The following GRID2 variants were observed in gnomAD, a reference collection of about 807,000 sequenced individuals.
GRID2 encodes glutamate ionotropic receptor delta type subunit 2.
A neutral mutation model predicts 114.8 loss-of-function variants in GRID2; 33 were observed. The ratio of observed to expected loss-of-function variants is 0.29; its 90% CI spans 0.22 to 0.38. The LOEUF (loss-of-function observed/expected upper bound fraction) is 0.38. Among genes scored for constraint, GRID2 ranks in the 10% least tolerant of loss-of-function variants. The probability of loss-of-function intolerance (pLI) is 1.00; values close to 1 mark genes in which losing one functional copy is unlikely to be tolerated. For synonymous variants in GRID2, 505 were observed against 449.9 expected, an observed-to-expected ratio of 1.12 and a Z score of -1.55; for missense variants, 1,184 against 1,257.7, an observed-to-expected ratio of 0.94 and a Z score of 0.89.
intron 2 of GRID2, among the ~76,000 whole-genome samples, chr4:92,875,102 G>C (rs941092959): frequency 8.0e-5 from 12 of 150,552 alleles, no homozygotes; most frequent in Non-Finnish European, 1.3e-4. Context: ...AGGAACTAGA[G>C]GTAGCAACTG....
At chr4:93,328,174 T>G (rs1758050283) in intron 8 of GRID2, among the ~76,000 whole-genome samples, 1 of 152,098 alleles carries the variant, frequency 6.6e-6, no homozygotes, top group Admixed American at 6.6e-5. Context: ...AATATGCACT[T>G]TTAAAGATGT....
intron 8 of GRID2, among the ~76,000 whole-genome samples, chr4:93,282,099 G>T (rs528443654): frequency 1.3e-5 from 2 of 151,860 alleles, no homozygotes; most frequent in Admixed American, 6.6e-5. Flanking sequence ...TTTTTTGAAC[G>T]TCACATTATT....
chr4:93,033,410 G>C lies in GRID2; in HGVS notation c.245-51585G>C, dbSNP rs72665238. ...ATAGAGTTTCGGTTGTCCTCCCCTC[G>C]TGAAGTCAGAACAATATGACTTTCT... On this transcript the variant is annotated intron_variant, in intron 2 of 15. Transcript: ENST00000282020. 6.1e-3 allele frequency among the ~76,000 whole-genome samples: 924 copies of C among 152,186 alleles called. 8 individuals are homozygous for C. The highest frequency in any genetic ancestry group is 0.031 in the Middle Eastern group (9 of 290).
Position 93,208,525 on chromosome 4 carries a change from G to A in GRID2, c.789+1068G>A, listed in dbSNP as rs551398083. 2.0e-5 allele frequency among the ~76,000 whole-genome samples: 3 copies of A among 151,976 alleles called. No homozygotes were observed. In the South Asian group the frequency reaches 6.2e-4, roughly 31 times the overall value. On this transcript the variant is annotated intron_variant, in intron 5 of 15. Transcript: ENST00000282020. ...ATCATTCCCTTATATATTATCTTAT[G>A]GAATACTAAACCATATTCTCTGAAG...
At chr4:93,499,845 G>C (rs77622980) in intron 12 of GRID2, among the ~76,000 whole-genome samples, 2 of 151,908 alleles carry the variant, frequency 1.3e-5, no homozygotes, top group East Asian at 3.9e-4. Flanking sequence ...AGCCCCATGA[G>C]AGATATGTTA....
intron 3 of GRID2, among the ~76,000 whole-genome samples, chr4:93,091,746 A>G (rs1473967868): frequency 6.6e-6 from 1 of 152,158 alleles, no homozygotes; most frequent in Non-Finnish European, 1.5e-5. Context: ...GCCTGCATGA[A>G]CAAGCTGTGT....
chr4:92,771,014 A>T (rs987921762), intron 2 of GRID2, among the ~76,000 whole-genome samples: 6 of 152,176 alleles, frequency 3.9e-5, no homozygotes, highest in African/African-American at 1.4e-4. Flanking sequence ...ATATATTTAT[A>T]AAAAATCATG....
At chr4:93,197,553 G>A (rs921135793) in intron 4 of GRID2, among the ~76,000 whole-genome samples, 4 of 152,088 alleles carry the variant, frequency 2.6e-5, no homozygotes, top group African/African-American at 4.8e-5. Context: ...CATTCAATAA[G>A]CATTTACTGG....
At chr4:93,145,999 T>C (rs1474318844) in intron 4 of GRID2, among the ~76,000 whole-genome samples, 2 of 152,132 alleles carry the variant, frequency 1.3e-5, no homozygotes, top group Non-Finnish European at 2.9e-5. Flanking sequence ...GGTATATATA[T>C]ACACAATATC....
intron 13 of GRID2, among the ~76,000 whole-genome samples, chr4:93,581,542 T>G (rs1397864890): frequency 1.3e-5 from 2 of 152,162 alleles, no homozygotes; most frequent in East Asian, 3.8e-4. Context: ...ACTGTTTTTG[T>G]TTTTGTTTCT....
chr4:93,227,379 C>T (rs1579350507), intron 7 of GRID2, among the ~76,000 whole-genome samples: 1 of 152,016 alleles, frequency 6.6e-6, no homozygotes, highest in East Asian at 1.9e-4. Context: ...AGCCACATGC[C>T]ACCACACCTG....
chr4:93,513,510 C>T (rs1351729471), intron 12 of GRID2, among the ~76,000 whole-genome samples: 1 of 152,136 alleles, frequency 6.6e-6, no homozygotes, highest in Non-Finnish European at 1.5e-5. Context: ...TTTACTCTTG[C>T]TTTTGCCCTC....
intron 1 of GRID2, among the ~76,000 whole-genome samples, chr4:92,405,853 A>G (rs765826044): frequency 2.0e-5 from 3 of 152,108 alleles, no homozygotes; most frequent in Non-Finnish European, 4.4e-5. Context: ...GAGGGACAGA[A>G]CTAATAGGAT....
chr4:93,576,509 T>C (rs1366685332), intron 13 of GRID2, among the ~76,000 whole-genome samples: 2 of 152,224 alleles, frequency 1.3e-5, no homozygotes, highest in African/African-American at 2.4e-5. Context: ...TAATTAACTT[T>C]TGGTCATTTT....
rs79171913 is a variant in GRID2 at position 93,802,444 on chromosome 4, A to G, written c.222-4271A>G. Among the ~76,000 whole-genome samples the G allele has an allele frequency of 4.1e-3, 623 of 152,274 alleles. 7 individuals carry two copies. Among genetic ancestry groups the G allele is most frequent in the African/African-American group, 0.014 (575 of 41,564 alleles). On this transcript the variant is annotated intron_variant, in intron 1 of 1. Coordinates refer to the GRID2 transcript ENST00000637838. ...AGAAAGAGAGAGAGAGATGTATTGA[A>G]CATAAAAAGGAGCAGATTTCATGAG...
At chr4:93,484,473 A>C (rs1484385728) in intron 11 of GRID2, among the ~76,000 whole-genome samples, 1 of 151,934 alleles carries the variant, frequency 6.6e-6, no homozygotes, top group East Asian at 1.9e-4. Flanking sequence ...AAAACTTTAG[A>C]TGAATGAAAT....
intron 8 of GRID2, among the ~76,000 whole-genome samples, chr4:93,280,954 C>T (rs1752581104): frequency 6.6e-6 from 1 of 151,818 alleles, no homozygotes. Flanking sequence ...CAAAAATAAA[C>T]AAAAATCCCT....
intron 4 of GRID2, among the ~76,000 whole-genome samples, chr4:93,172,838 T>C (rs1738978863): frequency 6.6e-6 from 1 of 152,040 alleles, no homozygotes; most frequent in African/African-American, 2.4e-5. Context: ...TTACTAAAGT[T>C]TGGGGAAAAT....
intron 2 of GRID2, among the ~76,000 whole-genome samples, chr4:92,915,743 T>C (rs1748737198): frequency 6.6e-6 from 1 of 152,172 alleles, no homozygotes; most frequent in South Asian, 2.1e-4. Context: ...TTCTGACTTT[T>C]TAATAGTAGC....
Sources: gnomAD v4.1 joint callset for allele counts (sites outside exome capture counted in the v4.1 genomes callset) on GRCh38, gnomAD v4.1.1 for gene constraint, MANE v1.5 for transcripts, NCBI Gene and HGNC (gene_info 2026-07-23, HGNC 2026-07-21) for gene names.